The following CDH23 variants were observed in gnomAD, a reference collection of about 807,000 sequenced individuals.
CDH23 encodes the protein cadherin related 23.
Under a neutral mutation model 317.1 loss-of-function variants are expected in CDH23, and 189 were observed. That is an observed-to-expected ratio of 0.60 (90% CI 0.53 to 0.67). The LOEUF is 0.67. Among genes scored for constraint, CDH23 ranks in the 30% least tolerant of loss-of-function variants. CDH23 has a pLI of 0.00. For synonymous variants in CDH23, 1,839 were observed against 1,876.8 expected (o/e 0.98, Z 0.52); for missense variants, 4,401 against 4,592.4 (o/e 0.96, Z 1.20).
Position 71,677,452 on chromosome 10 carries a change from A to T in CDH23, c.1515-4A>T, listed in dbSNP as rs1230716379. The T allele has an allele frequency of 6.2e-7, 1 of 1,600,502 alleles. No homozygotes were observed. The highest frequency in any genetic ancestry group is 8.5e-7 in the Non-Finnish European group (1 of 1,172,264). The stretch of plus-strand genomic sequence containing the variant: ...CTTCTCTCCATCCTCTCGGCCTGGC[A>T]CAGGTTCTCGCTGGACAAGGACACG... On this transcript the variant is annotated splice_polypyrimidine_tract_variant and splice_region_variant and intron_variant, in intron 15 of 69. Transcript: ENST00000224721.
chr10:71,449,617 G>A (rs1850336512), intron 3 of CDH23, among the ~76,000 whole-genome samples: 1 of 152,190 alleles, frequency 6.6e-6, no homozygotes, highest in African/African-American at 2.4e-5. Flanking sequence ...TGTCCTAAGT[G>A]TTTTTATGCA....
In CDH23 at chr10:71,809,844, C is replaced by T. The variant is rs1436275815; in HGVS notation, c.8747C>T (p.Thr2916Ile). 22 of 1,613,248 alleles carry T rather than the reference C, an allele frequency of 1.4e-5. No homozygotes were observed. Among genetic ancestry groups the T allele is most frequent in the Non-Finnish European group, 1.9e-5 (22 of 1,179,844 alleles). The change falls in exon 61 of 70, where the codon ACC (threonine) becomes ATC (isoleucine). Residue 2916 changes from threonine (T) to isoleucine (I), a missense_variant. Thr to Ile is a moderately conservative substitution (Grantham distance 89). Transcript: ENST00000224721. ...GGGAGCATGGACGGCATTCTGCGCACCTTCGACCTCTTCATGGCCTACAGC... is the reference window on the plus strand; with the variant it reads ...GGGAGCATGGACGGCATTCTGCGCATCTTCGACCTCTTCATGGCCTACAGC... ...TMGSMDGILR[T>I]FDLFMAYSPG...
chr10:71,731,934 G>A (rs1017233464), intron 31 of CDH23, 53 bp from the exon 32 acceptor site: 29 of 1,562,856 alleles, frequency 1.9e-5, no homozygotes, highest in African/African-American at 4.0e-5. Flanking sequence ...AAGCCACAGC[G>A]CAGCCCCACT....
chr10:71,606,921 T>G (rs1860561060), intron 9 of CDH23, among the ~76,000 whole-genome samples: 1 of 152,094 alleles, frequency 6.6e-6, no homozygotes, highest in East Asian at 1.9e-4. Context: ...GGCAGCAGAC[T>G]CTCGGCAGGC....
chr10:71,803,080 G>A lies in CDH23; in HGVS notation c.7660+5G>A, dbSNP rs752913591. 3.7e-6 allele frequency: 6 copies of A among 1,606,886 alleles called. No individual in the cohort carries two copies. The highest frequency in any genetic ancestry group is 5.1e-6 in the Non-Finnish European group (6 of 1,174,240). On this transcript the variant is annotated splice_donor_5th_base_variant and intron_variant, in intron 54 of 69. Transcript: ENST00000224721. ...CACTTGAGGGCCCTGGCGTGGGTAT[G>A]TGGCCTTCCTTGGACACCCATGATG...
chr10:71,807,355 G>A lies in CDH23; in HGVS notation c.8257G>A (p.Ala2753Thr), dbSNP rs397517356. The change falls in exon 58 of 70, where the codon GCA becomes ACA. Residue 2753 changes from alanine to threonine, a missense_variant. By Grantham distance (58) the Ala-to-Thr change is moderately conservative. Transcript: ENST00000224721. Reference sequence around the variant, plus strand: ...CACCCTCGTGGGCAACGTGACAGGCGCAGTGGATGCAGATGAGGGCCCCAA... The same window carrying A: ...CACCCTCGTGGGCAACGTGACAGGCACAGTGGATGCAGATGAGGGCCCCAA... The part of the protein sequence containing the change: ...RGTLVGNVTG[A>T]VDADEGPNAI... 1.9e-5 allele frequency: 31 copies of A among 1,613,756 alleles called. No individual in the cohort carries two copies. The highest frequency in any genetic ancestry group is 1.2e-4 in the South Asian group (11 of 91,062).
intron 9 of CDH23, among the ~76,000 whole-genome samples, chr10:71,588,218 C>T (rs985285287): frequency 7.9e-5 from 12 of 152,216 alleles, no homozygotes; most frequent in Non-Finnish European, 1.5e-4. Flanking sequence ...TCTGCACCTA[C>T]GTTTCTATCA....
At chr10:71,552,374 G>A (rs749223578) in intron 6 of CDH23, among the ~76,000 whole-genome samples, 6 of 152,230 alleles carry the variant, frequency 3.9e-5, no homozygotes, top group Non-Finnish European at 5.9e-5. Flanking sequence ...TTGACTCTCA[G>A]AAAGTCCTTC....
intron 38 of CDH23, among the ~76,000 whole-genome samples, chr10:71,769,699 G>C (rs1031913223): frequency 7.2e-5 from 11 of 152,190 alleles, no homozygotes; most frequent in African/African-American, 2.7e-4. Flanking sequence ...GCAGAGGCAG[G>C]GTTTGACCCC....
rs727504562 is a variant in CDH23, at chr10:71,813,354, C to T, written c.9738+6C>T. On this transcript the variant is annotated splice_donor_region_variant and intron_variant, in intron 69 of 69. Coordinates refer to ENST00000224721, the MANE Select transcript of CDH23 (RefSeq NM_022124.6). ...GCCACTCCTCCATCTCTGAGGTAGC[C>T]GGCTGGGTGGCTGGGAGCTGTGTGC... 14 of 1,550,684 alleles carry T rather than the reference C, an allele frequency of 9.0e-6. No homozygotes were observed. Among genetic ancestry groups the T allele is most frequent in the Admixed American group, 5.9e-5 (3 of 50,988 alleles).
chr10:71,701,889 A>G (rs1865599962), intron 22 of CDH23, 133 bp from the exon 23 acceptor site: 2 of 886,112 alleles, frequency 2.3e-6, no homozygotes, highest in Non-Finnish European at 3.5e-6. Flanking sequence ...CCCAGCGGGG[A>G]TGCCCACTTC....
rs186385343 is a variant in CDH23, at chr10:71,774,183, A to C, written c.4846-3497A>C. ...AACACCTGTTGGCGTGCCCCACAGC[A>C]CATCCTGCAAGCTCCCCTCCGGCAG... On this transcript the variant is annotated intron_variant, in intron 38 of 69. Transcript: ENST00000224721. 3.0e-3 allele frequency among the ~76,000 whole-genome samples: 463 copies of C among 152,072 alleles called. 3 individuals carry two copies. Among genetic ancestry groups the C allele is most frequent in the African/African-American group, 0.011 (439 of 41,440 alleles).
At chr10:71,787,894 G>A (rs533278194) in intron 44 of CDH23, among the ~76,000 whole-genome samples, 1 of 152,322 alleles carries the variant, frequency 6.6e-6, no homozygotes, top group African/African-American at 2.4e-5. Context: ...TTCCCTTTGG[G>A]CAGGTACCCA....
rs777592009 is a variant in CDH23, at chr10:71,704,888, A to T, written c.2734-23A>T. On this transcript the variant is annotated intron_variant, in intron 24 of 69. Transcript: ENST00000224721. ...ATCCCAGTGTCCCCTCCCCACCCTC[A>T]TGCTGCCCCTCCTTGCCCTCAGGTG... The T allele has an allele frequency of 4.4e-6, 7 of 1,588,270 alleles. No individual in the cohort carries two copies. In the African/African-American group the frequency reaches 8.1e-5, roughly 18 times the overall value.
chr10:71,722,311 A>G (rs761799727), intron 28 of CDH23, among the ~76,000 whole-genome samples: 1 of 152,224 alleles, frequency 6.6e-6, no homozygotes, highest in Non-Finnish European at 1.5e-5. Context: ...CAGAAGGAGA[A>G]GTGTACTGTA....
chr10:71,478,221 T>A (rs944455688), intron 3 of CDH23, among the ~76,000 whole-genome samples: 1 of 152,230 alleles, frequency 6.6e-6, no homozygotes, highest in Admixed American at 6.5e-5. Context: ...AAAAGCTTCT[T>A]AGCCTGGCAT....
intron 6 of CDH23, among the ~76,000 whole-genome samples, chr10:71,562,038 AAGG>A (rs962199881): frequency 2.4e-4 from 36 of 152,200 alleles, no homozygotes; most frequent in African/African-American, 7.9e-4. Flanking sequence ...CTACCCTGGA[AAGG>A]AGGAGCCCAA....
intron 34 of CDH23, among the ~76,000 whole-genome samples, chr10:71,736,852 C>G (rs971812106): frequency 6.6e-6 from 1 of 152,142 alleles, no homozygotes; most frequent in Non-Finnish European, 1.5e-5. Flanking sequence ...AATGTATGCC[C>G]TGAGAGAAAG....
chr10:71,526,101 G>C (rs867071336), intron 6 of CDH23, among the ~76,000 whole-genome samples: 1 of 152,228 alleles, frequency 6.6e-6, no homozygotes, highest in Non-Finnish European at 1.5e-5. Flanking sequence ...CATCGCTGAG[G>C]GGGTGGAGCA....
Sources: allele counts gnomAD v4.1 joint callset (sites outside exome capture counted in the v4.1 genomes callset), GRCh38; gene constraint gnomAD v4.1.1; transcripts MANE v1.5; gene names NCBI Gene and HGNC (gene_info 2026-07-23, HGNC 2026-07-21).